The following FMNL1 variants were observed in gnomAD, a reference collection of about 807,000 sequenced individuals.
FMNL1 encodes formin like 1, also known as formin-like protein 1.
A neutral mutation model predicts 121.3 loss-of-function variants in FMNL1; 43 were observed. The ratio of observed to expected loss-of-function variants is 0.35; its 90% confidence interval spans 0.28 to 0.46. The LOEUF is 0.46. FMNL1 is among the 20% of genes least tolerant of loss of function. The probability of loss-of-function intolerance (pLI) is 1.00; values close to 1 mark genes in which losing one functional copy is unlikely to be tolerated. For synonymous variants in FMNL1, 613 were observed against 613.5 expected, an observed-to-expected ratio of 1.00 and a Z score of 0.01; for missense variants, 1,191 against 1,482.4, an observed-to-expected ratio of 0.80 and a Z score of 3.23.
intron 1 of FMNL1, among the ~76,000 whole-genome samples, chr17:45,228,405 A>G (rs2043372662): frequency 6.6e-6 from 1 of 152,158 alleles, no homozygotes; most frequent in Non-Finnish European, 1.5e-5. Context: ...CTCGGCAGTA[A>G]CAACCAGGGG....
chr17:45,237,491 C>T lies in FMNL1; in HGVS notation c.801-55C>T, dbSNP rs1407688402. The T allele has an allele frequency of 6.2e-7, 1 of 1,611,346 alleles. No individual in the cohort carries two copies. The highest frequency in any genetic ancestry group is 1.1e-5 in the South Asian group (1 of 90,972). On this transcript the variant is annotated intron_variant, in intron 8 of 26. Transcript: ENST00000331495. This position sits in a 1 kb window ranked among gnomAD's most constrained non-coding sequence, Gnocchi z 4.4. ...TCCTCCTAGCCAGGCCTGTGCCCACCCTTGCCGCGGGTCCTGCCTGTTCTC... is the reference window on the plus strand; with the variant it reads ...TCCTCCTAGCCAGGCCTGTGCCCACTCTTGCCGCGGGTCCTGCCTGTTCTC...
At chr17:45,232,815 T>C (rs75239108) in intron 3 of FMNL1, 36,936 of 571,560 alleles carry the variant, frequency 0.065, 1,370 homozygotes, top group Admixed American at 0.11. Flanking sequence ...GTGTGTACCA[T>C]TGAGTCCATA....
chr17:45,242,989 A>T, intron 16 of FMNL1, 129 bp from the exon 17 acceptor site: 1 of 995,300 alleles, frequency 1.0e-6, no homozygotes, highest in Non-Finnish European at 1.5e-6. Flanking sequence ...GCCTGTGGTC[A>T]GGCTGGGTTA....
chr17:45,222,268 G>T lies in FMNL1; in HGVS notation c.129+15G>T. 1.7e-6 allele frequency: 2 copies of T among 1,174,630 alleles called. No homozygotes were observed. Among genetic ancestry groups the T allele is most frequent in the Non-Finnish European group, 2.1e-6 (2 of 949,518 alleles). The allele number at this position is 1,174,630 out of a possible 1,614,324, so 72.8% of individuals were successfully genotyped here. A position where few individuals can be genotyped will look rare whatever the true frequency, so the allele number is the denominator to read the frequency against. On this transcript the variant is annotated intron_variant, in intron 1 of 26. Transcript: ENST00000331495. ...ACCGCGCCCTGGTGAGTGCGACCCG[G>T]AGGCGGGTCGGGCGCGGGCGGGGGG... is the stretch of plus-strand genomic sequence containing the variant.
In FMNL1 at chr17:45,222,170, G is replaced by T. The variant is rs1288897757; in HGVS notation, c.46G>T (p.Ala16Ser). Residue 16 changes from alanine to serine, a missense_variant, in exon 1 of 27, where the codon GCG becomes TCG. Ala to Ser is a moderately conservative substitution (Grantham distance 99). Transcript: ENST00000331495. ...CGCCGAGCAGCCCGCGGGCCCCGCC[G>T]CGCCGCCCCCCAAGCAGCCCGCGCC... ...GSAEQPAGPA[A>S]PPPKQPAPPK... is the part of the protein sequence containing the mutation. The T allele has an allele frequency of 4.9e-6, 6 of 1,218,054 alleles. No homozygotes were observed. Among genetic ancestry groups the T allele is most frequent in the Non-Finnish European group, 6.1e-6 (6 of 979,464 alleles). 75.5% of individuals were successfully genotyped at this position (1,218,054 alleles called of 1,614,324 possible).
At position 45,232,474 on chromosome 17, in the gene FMNL1, C is replaced by T. The variant is rs749568309; in HGVS notation, c.321C>T (p.Asn107=). The change falls in exon 3 of 27, where the codon AAC becomes AAT. Residue 107 remains asparagine (N), a synonymous_variant. Coordinates refer to ENST00000331495, the MANE Select transcript of FMNL1 (RefSeq NM_005892.4). ...SRKVAADWMS[N]LGFKRRVQES... ...AGGTAGCAGCTGATTGGATGTCCAA[C>T]CTGGGGGTACATGTCTCCCCTCTTT... 9 of 1,613,976 alleles carry T rather than the reference C, an allele frequency of 5.6e-6. No individual in the cohort carries two copies. Among genetic ancestry groups the T allele is most frequent in the African/African-American group, 2.7e-5 (2 of 75,034 alleles).
At chr17:45,240,700 A>G (rs1453343625) in intron 12 of FMNL1, 75 bp downstream of exon 12, 1 of 1,534,588 alleles carries the variant, frequency 6.5e-7, no homozygotes, top group Admixed American at 2.1e-5. Flanking sequence ...CCACGCAAGC[A>G]TGGGCACTGG....
Position 45,241,241 on chromosome 17 carries a change from G to A in FMNL1, c.1332+11G>A. 3 of 1,613,970 alleles carry A rather than the reference G, an allele frequency of 1.9e-6. No individual in the cohort carries two copies. The highest frequency in any genetic ancestry group is 2.5e-6 in the Non-Finnish European group (3 of 1,179,962). ...TTGGAGACCCTGCGGGTGAGGCTGG[G>A]GCGGGTGGTAGGCCAGGCGCCCAAG... On this transcript the variant is annotated intron_variant, in intron 13 of 26. Transcript: ENST00000331495. The surrounding 1 kb of genome is among the most constrained non-coding windows in gnomAD (Gnocchi z 7.0).
chr17:45,240,448 C>T, intron 11 of FMNL1, 28 bp from the exon 12 acceptor site: 1 of 1,593,608 alleles, frequency 6.3e-7, no homozygotes, highest in Non-Finnish European at 8.6e-7. Context: ...CACCAGGCCT[C>T]ACCCCACTCC....
chr17:45,242,447 T>A lies in FMNL1; in HGVS notation c.1992T>A (p.Asn664Lys). The change falls in exon 16 of 27, where the codon AAT (asparagine) becomes AAA (lysine). Residue 664 changes from asparagine (N) to lysine (K), a missense_variant. Asn to Lys is a moderately conservative substitution (Grantham distance 94). This residue lies in a region of FMNL1 where 519 missense variants were observed against 492.8 expected (regional missense o/e 1.05). Coordinates refer to ENST00000331495, the MANE Select transcript of FMNL1 (RefSeq NM_005892.4). ...CCGGCACTGTCTTCACAGAGCTCAA[T>A]GATGAGAAGGTGCTGCAGGTGAGTG... ...QITGTVFTEL[N>K]DEKVLQELDM... The A allele has an allele frequency of 1.9e-6, 3 of 1,613,858 alleles. No homozygotes were observed. Among genetic ancestry groups the A allele is most frequent in the Non-Finnish European group, 2.5e-6 (3 of 1,179,788 alleles).
At chr17:45,225,033 C>A (rs568625301) in intron 1 of FMNL1, among the ~76,000 whole-genome samples, 99 of 152,366 alleles carry the variant, frequency 6.5e-4, no homozygotes, top group African/African-American at 2.3e-3. Context: ...CACACTTACA[C>A]CTGGGCCTGG....
rs751605338 is a variant in FMNL1 at position 45,238,560 on chromosome 17, C to G, written c.895-4C>G. ...CCTCAGTGAGAGCCATTCCCCTTAC[C>G]CAGGTGTGTGGGGAGCAGCACCGCT... On this transcript the variant is annotated splice_region_variant and splice_polypyrimidine_tract_variant and intron_variant, in intron 9 of 26. Coordinates refer to ENST00000331495, the MANE Select transcript of FMNL1 (RefSeq NM_005892.4). 3 of 1,614,062 alleles carry G rather than the reference C, an allele frequency of 1.9e-6. No homozygotes were observed. The highest frequency in any genetic ancestry group is 3.3e-5 in the Admixed American group (2 of 60,016).
Position 45,233,501 on chromosome 17 carries a change from C to T in FMNL1, c.402-147C>T. ...CTTGAGGCATGGCTGGGCTGTGGGA[C>T]CCACCTGAGTCTCCCAGAATCCTTT... On this transcript the variant is annotated intron_variant, in intron 4 of 26. Transcript: ENST00000331495. The surrounding 1 kb of genome is among the most constrained non-coding windows in gnomAD (Gnocchi z 4.1). The T allele has an allele frequency of 9.6e-7, 1 of 1,038,404 alleles. No individual in the cohort carries two copies. The highest frequency in any genetic ancestry group is 1.4e-6 in the Non-Finnish European group (1 of 716,652). The allele number at this position is 1,038,404 out of a possible 1,614,324, so 64.3% of individuals were successfully genotyped here.
At position 45,243,054 on chromosome 17, in the gene FMNL1, C is replaced by T. The variant is rs931598338; in HGVS notation, c.2011-64C>T. The T allele has an allele frequency of 5.7e-6, 9 of 1,569,382 alleles. No individual in the cohort carries two copies. In the African/African-American group the frequency reaches 1.1e-4, roughly 19 times the overall value. The stretch of plus-strand genomic sequence containing the variant: ...CCAGATGGATGGCTCTAGCACTGTG[C>T]TCAGCCAGGAGAGTGCCAGACCCCA... On this transcript the variant is annotated intron_variant, in intron 16 of 26. Transcript: ENST00000331495.
rs771581881 is a variant in FMNL1 at position 45,242,302 on chromosome 17, C to A, written c.1886-39C>A. The A allele has an allele frequency of 7.5e-6, 12 of 1,606,796 alleles. No homozygotes were observed. In the East Asian group the frequency reaches 2.5e-4, roughly 33 times the overall value. ...TGGGCCCAGGTTCCCTCCAGTAGTA[C>A]CCCCAGTGCTCACCACTGCCCCCAA... On this transcript the variant is annotated intron_variant, in intron 15 of 26. Coordinates refer to ENST00000331495, the MANE Select transcript of FMNL1 (RefSeq NM_005892.4).
intron 1 of FMNL1, among the ~76,000 whole-genome samples, chr17:45,226,226 G>A (rs1166965305): frequency 2.0e-5 from 3 of 152,244 alleles, no homozygotes; most frequent in Non-Finnish European, 2.9e-5. Flanking sequence ...ACCTCTCCTG[G>A]AGGGTGGGGC....
intron 1 of FMNL1, among the ~76,000 whole-genome samples, chr17:45,224,454 TG>T (rs1192238841): frequency 1.3e-5 from 2 of 152,142 alleles, no homozygotes; most frequent in East Asian, 3.9e-4. Context: ...CTTAGATTGC[TG>T]AGGGGAGGGG....
At chr17:45,235,581 A>T (rs1028718291) in intron 6 of FMNL1, among the ~76,000 whole-genome samples, 1 of 152,154 alleles carries the variant, frequency 6.6e-6, no homozygotes, top group Non-Finnish European at 1.5e-5. Context: ...AAAACATCAC[A>T]CATTTGTTGG....
intron 7 of FMNL1, 171 bp downstream of exon 7, chr17:45,236,415 G>A (rs1345835958): frequency 5.4e-6 from 3 of 551,696 alleles, no homozygotes; most frequent in African/African-American, 1.9e-5. Flanking sequence ...AGTCTTGAGG[G>A]GAAGCCCATG....
Sources: allele counts gnomAD v4.1 joint callset (sites outside exome capture counted in the v4.1 genomes callset), GRCh38; gene constraint gnomAD v4.1.1; regional missense constraint gnomAD v4.1.1; non-coding constraint Gnocchi (gnomAD v3.1); transcripts MANE v1.5; gene names NCBI Gene and HGNC (gene_info 2026-07-23, HGNC 2026-07-21).